The following ZNF138 variants were observed in gnomAD, a reference collection of about 807,000 sequenced individuals.
ZNF138 encodes zinc finger protein 138 (clone pHZ-32).
A neutral mutation model predicts 33.0 loss-of-function variants in ZNF138; 33 were observed. The observed-to-expected ratio is 1.00, with a 90% CI of 0.76 to 1.34. The LOEUF is 1.34. ZNF138 is among the 40% of genes most tolerant of loss of function. The probability of loss-of-function intolerance (pLI) is 0.00; values close to 1 mark genes in which losing one functional copy is unlikely to be tolerated. For missense variants in ZNF138, 360 were observed against 370.8 expected (o/e 0.97, Z 0.24); for synonymous variants, 139 against 120.4 (o/e 1.15, Z -1.01).
the ZNF138 span, among the ~76,000 whole-genome samples, chr7:64,853,540 TTATC>T: frequency 1.6e-5 from 2 of 124,566 alleles, no homozygotes; most frequent in African/African-American, 6.1e-5. Context: ...TCTTCTAAAT[TTATC>T]TATATTGATT....
At chr7:64,802,150 G>A (rs1259468925) in intron 1 of ZNF138, among the ~76,000 whole-genome samples, 4 of 152,168 alleles carry the variant, frequency 2.6e-5, no homozygotes, top group Admixed American at 2.0e-4. Flanking sequence ...AACTCAAAGT[G>A]GCGGCTTCCG....
intron 1 of ZNF138, among the ~76,000 whole-genome samples, chr7:64,808,251 G>A (rs919415820): frequency 6.6e-6 from 1 of 152,166 alleles, no homozygotes; most frequent in African/African-American, 2.4e-5. Context: ...GATGTCTTTG[G>A]TTGGTACCCA....
intron 1 of ZNF138, among the ~76,000 whole-genome samples, chr7:64,799,820 T>G (rs1210650844): frequency 6.6e-6 from 1 of 152,044 alleles, no homozygotes; most frequent in Non-Finnish European, 1.5e-5. Flanking sequence ...ATTTTTTGTT[T>G]AGGAGAGACG....
chr7:64,800,154 A>C (rs1787029701), intron 1 of ZNF138, among the ~76,000 whole-genome samples: 1 of 152,132 alleles, frequency 6.6e-6, no homozygotes, highest in South Asian at 2.1e-4. Context: ...GGATAGTTTG[A>C]CTTTTTCTCT....
At chr7:64,796,814 A>G (rs4718113) in intron 1 of ZNF138, among the ~76,000 whole-genome samples, 1 of 152,148 alleles carries the variant, frequency 6.6e-6, no homozygotes. Flanking sequence ...AGGCCAAGGC[A>G]GGGAGATCAC....
the ZNF138 span, among the ~76,000 whole-genome samples, chr7:64,848,371 G>C: frequency 6.6e-6 from 1 of 150,956 alleles, no homozygotes; most frequent in African/African-American, 2.5e-5. Context: ...GTTGTTGTTG[G>C]GTTGGGTTAA....
Position 64,815,579 on chromosome 7 carries a change from T to C in ZNF138, c.134T>C (p.Leu45Pro), listed in dbSNP as rs755618822. ...AGTATTGCTATCTCTAAGCCAGACC[T>C]GATTACCTGTCTGGAACAAGGAAAA... is the stretch of plus-strand genomic sequence containing the variant. ...ENYRNLVFLD[L>P]ITCLEQGKEP... Residue 45 changes from leucine to proline, a missense_variant, in exon 3 of 4, where the codon CTG becomes CCG. Coordinates refer to ENST00000307355, the MANE Select transcript of ZNF138 (RefSeq NM_001271639.2). 13 of 1,611,026 alleles carry C rather than the reference T, an allele frequency of 8.1e-6. No homozygotes were observed. Among genetic ancestry groups the C allele is most frequent in the Non-Finnish European group, 1.1e-5 (13 of 1,178,906 alleles).
chr7:64,824,365 G>C (rs1789404961), intron 3 of ZNF138, among the ~76,000 whole-genome samples: 1 of 152,206 alleles, frequency 6.6e-6, no homozygotes, highest in Admixed American at 6.5e-5. Flanking sequence ...ACCAGAAGCA[G>C]ATGCTGACAC....
the ZNF138 span, among the ~76,000 whole-genome samples, chr7:64,845,837 T>C: frequency 6.6e-6 from 1 of 152,180 alleles, no homozygotes; most frequent in Non-Finnish European, 1.5e-5. Context: ...TTGTCAGATG[T>C]ATAAATTTTG....
At chr7:64,812,294 G>T (rs1391392983) in intron 1 of ZNF138, among the ~76,000 whole-genome samples, 1 of 138,686 alleles carries the variant, frequency 7.2e-6, no homozygotes, top group East Asian at 2.2e-4. Flanking sequence ...GAGTACCTGG[G>T]ACTACAGGTA....
chr7:64,845,018 T>G, the ZNF138 span, among the ~76,000 whole-genome samples: 1 of 152,176 alleles, frequency 6.6e-6, no homozygotes, highest in Non-Finnish European at 1.5e-5. Flanking sequence ...TGTGAGATTT[T>G]GGTGCACCCA....
At chr7:64,812,311 A>AC (rs56093180) in intron 1 of ZNF138, among the ~76,000 whole-genome samples, 149,922 of 152,120 alleles carry the variant, frequency 0.99, 73,914 homozygotes, top group East Asian at 1. Context: ...GGTATTCACC[A>AC]CACGCCCGGC....
At chr7:64,803,911 G>C (rs62456802) in intron 1 of ZNF138, among the ~76,000 whole-genome samples, 7 of 152,118 alleles carry the variant, frequency 4.6e-5, no homozygotes, top group African/African-American at 1.4e-4. Context: ...AGTGTCTTTC[G>C]TTTCACTAAA....
At chr7:64,859,567 T>C in the ZNF138 span, among the ~76,000 whole-genome samples, 8 of 152,330 alleles carry the variant, frequency 5.3e-5, no homozygotes, top group Admixed American at 2.0e-4. Flanking sequence ...ATTTTTCAAA[T>C]ACATTCACCA....
chr7:64,825,632 C>T (rs534216190), intron 3 of ZNF138, among the ~76,000 whole-genome samples: 2 of 151,534 alleles, frequency 1.3e-5, no homozygotes, highest in South Asian at 2.1e-4. Context: ...CTCTGCTTCC[C>T]GGGTTCAAGC....
the ZNF138 span, among the ~76,000 whole-genome samples, chr7:64,853,681 T>C: frequency 6.6e-6 from 1 of 151,712 alleles, no homozygotes; most frequent in African/African-American, 2.4e-5. Flanking sequence ...CATTCCCGTC[T>C]TAAAGCACAT....
chr7:64,817,246 C>T lies in ZNF138; in HGVS notation c.208+1593C>T, dbSNP rs559038004. ...AAGGTCTGCAGGCCTGCCTGCATGG[C>T]GGTAAATGCGTGTCTTCCTTCCTGC... On this transcript the variant is annotated intron_variant, in intron 3 of 3. Coordinates refer to ENST00000307355, the MANE Select transcript of ZNF138 (RefSeq NM_001271639.2). Among the ~76,000 whole-genome samples, 3 of 152,062 alleles carry T rather than the reference C, an allele frequency of 2.0e-5. No homozygotes were observed. The South Asian group carries it at 6.2e-4, about 32-fold the overall frequency.
At chr7:64,835,103 T>C (rs1351911540), downstream of ZNF138, among the ~76,000 whole-genome samples, 1 of 152,110 alleles carries the variant, frequency 6.6e-6, no homozygotes, top group Admixed American at 6.5e-5. Context: ...GTTTCACACT[T>C]CTGAGTGTGA....
intron 1 of ZNF138, among the ~76,000 whole-genome samples, chr7:64,799,367 T>C (rs912851620): frequency 1.3e-5 from 2 of 152,116 alleles, no homozygotes; most frequent in African/African-American, 4.8e-5. Flanking sequence ...GGTTTCTCCA[T>C]GTTCAGGCTG....
Sources: gnomAD v4.1 joint callset for allele counts (sites outside exome capture counted in the v4.1 genomes callset) on GRCh38, gnomAD v4.1.1 for gene constraint, MANE v1.5 for transcripts, NCBI Gene and HGNC (gene_info 2026-07-23, HGNC 2026-07-21) for gene names.